RCAN1: variants seen among roughly 807,000 people sequenced by gnomAD.
RCAN1 encodes calcipressin-1.
In RCAN1, 11 loss-of-function variants were observed where a neutral mutation model predicts 22.9. That is an observed-to-expected ratio of 0.48 (90% confidence interval 0.30 to 0.79). The LOEUF (loss-of-function observed/expected upper bound fraction) is 0.79. Among genes scored for constraint, RCAN1 ranks in the 30% least tolerant of loss-of-function variants. The pLI is 0.06. For missense variants in RCAN1, 291 were observed against 337.8 expected, an observed-to-expected ratio of 0.86 and a Z score of 1.09; for synonymous variants, 136 against 142.3, an observed-to-expected ratio of 0.96 and a Z score of 0.32.
chr21:34,613,732 G>C, intron 1 of RCAN1: 3 of 1,468,184 alleles, frequency 2.0e-6, no homozygotes, highest in Non-Finnish European at 2.8e-6. Context: ...CACGGCCATT[G>C]TAATTCCTTT....
At chr21:34,546,200 G>A (rs754832994) in intron 1 of RCAN1, among the ~76,000 whole-genome samples, 215 of 152,186 alleles carry the variant, frequency 1.4e-3, no homozygotes, top group Non-Finnish European at 2.7e-3. Context: ...GAGAAATCAC[G>A]TCAGGCAAGT....
At position 34,521,302 on chromosome 21, in the gene RCAN1, C is replaced by G. The variant is rs1461605791; in HGVS notation, c.586+197G>C. On this transcript the variant is annotated intron_variant, in intron 3 of 3. Transcript: ENST00000313806. ...GTCCCCACGATCAGCCGCAGTCTCT[C>G]TAACACTGCAGGTGGTGCCAAGAGG... 11 of 1,475,134 alleles carry G rather than the reference C, an allele frequency of 7.5e-6. 1 individual carries two copies. In the Admixed American group the frequency reaches 2.3e-4, roughly 30 times the overall value. The allele number at this position is 1,475,134 out of a possible 1,614,324, so 91.4% of individuals were successfully genotyped here.
intron 1 of RCAN1, among the ~76,000 whole-genome samples, chr21:34,558,157 T>TA (rs1986651938): frequency 6.6e-6 from 1 of 152,152 alleles, no homozygotes; most frequent in Non-Finnish European, 1.5e-5. Flanking sequence ...CACAAGACAT[T>TA]TGGCTATTCC....
At chr21:34,607,827 C>T (rs897274055) in intron 1 of RCAN1, among the ~76,000 whole-genome samples, 2 of 152,208 alleles carry the variant, frequency 1.3e-5, no homozygotes, top group African/African-American at 4.8e-5. Context: ...CAGTCCATGG[C>T]CTGTTAGGAA....
intron 1 of RCAN1, among the ~76,000 whole-genome samples, chr21:34,527,785 C>T (rs563569019): frequency 3.3e-5 from 5 of 149,652 alleles, no homozygotes; most frequent in African/African-American, 9.9e-5. Flanking sequence ...ACATGCTTAG[C>T]GTTCCAATAA....
Position 34,521,032 on chromosome 21 carries a change from G to A in RCAN1, c.586+467C>T. ...GGCCCTTCCCTCACCATGGCCTATG[G>A]TTCTCCTTCCCTTTTCCTTTAAGAA... On this transcript the variant is annotated intron_variant, in intron 3 of 3. Coordinates refer to ENST00000313806, the MANE Select transcript of RCAN1 (RefSeq NM_004414.7). The A allele has an allele frequency of 2.6e-6, 3 of 1,144,266 alleles. No homozygotes were observed. The South Asian group carries it at 1.1e-4, about 41-fold the overall frequency. The allele number at this position is 1,144,266 out of a possible 1,614,324, so 70.9% of individuals were successfully genotyped here. A position where few individuals can be genotyped will look rare whatever the true frequency, so the allele number is the denominator to read the frequency against.
At chr21:34,580,879 G>A (rs927388288) in intron 1 of RCAN1, among the ~76,000 whole-genome samples, 6 of 152,150 alleles carry the variant, frequency 3.9e-5, no homozygotes, top group Non-Finnish European at 7.3e-5. Context: ...GTGCACCTAC[G>A]TATGCACATG....
intron 1 of RCAN1, among the ~76,000 whole-genome samples, chr21:34,532,731 A>G (rs1426470121): frequency 6.6e-6 from 1 of 152,226 alleles, no homozygotes; most frequent in East Asian, 1.9e-4. Flanking sequence ...TTTGATCAGC[A>G]AATACTGAAT....
intron 1 of RCAN1, among the ~76,000 whole-genome samples, chr21:34,547,254 C>T (rs1372604341): frequency 1.3e-5 from 2 of 152,168 alleles, no homozygotes; most frequent in African/African-American, 4.8e-5. Flanking sequence ...ATCCAGGAGT[C>T]CAGGCCCATC....
rs148563819 is a variant in RCAN1 at position 34,566,836 on chromosome 21, G to A, written c.253-43126C>T. ...CGTGTCACATGGCAAGAGAAAGAGCGAGAGAGGAGGAGGTGCCAGGCTCCT... is the reference window on the plus strand; with the variant it reads ...CGTGTCACATGGCAAGAGAAAGAGCAAGAGAGGAGGAGGTGCCAGGCTCCT... On this transcript the variant is annotated intron_variant, in intron 1 of 3. Coordinates refer to ENST00000313806, the MANE Select transcript of RCAN1 (RefSeq NM_004414.7). Among the ~76,000 whole-genome samples the A allele has an allele frequency of 4.4e-3, 663 of 152,220 alleles. 3 individuals carry two copies. The highest frequency in any genetic ancestry group is 0.015 in the African/African-American group (630 of 41,510).
intron 1 of RCAN1, among the ~76,000 whole-genome samples, chr21:34,595,468 T>G (rs1988115911): frequency 6.6e-6 from 1 of 152,246 alleles, no homozygotes; most frequent in South Asian, 2.1e-4. Context: ...AAGTTTGACC[T>G]TTGAGCAAAT....
At chr21:34,543,918 T>C (rs899662187) in intron 1 of RCAN1, among the ~76,000 whole-genome samples, 1 of 152,220 alleles carries the variant, frequency 6.6e-6, no homozygotes, top group Non-Finnish European at 1.5e-5. Context: ...TGCTAGCCAT[T>C]CGGAGTGGTC....
At chr21:34,537,156 G>A (rs1985707354) in intron 1 of RCAN1, among the ~76,000 whole-genome samples, 1 of 152,184 alleles carries the variant, frequency 6.6e-6, no homozygotes, top group African/African-American at 2.4e-5. Flanking sequence ...TACATACAAA[G>A]AACAAGCAAG....
chr21:34,612,929 C>T (rs773170031), intron 1 of RCAN1, among the ~76,000 whole-genome samples: 1 of 152,224 alleles, frequency 6.6e-6, no homozygotes, highest in Non-Finnish European at 1.5e-5. Flanking sequence ...GCTCTCTATC[C>T]CTGTTTCAGT....
rs905015160 is a variant in RCAN1 at position 34,517,869 on chromosome 21, T to G, written c.*215A>C. ...GTGCGATCACCACAAACTCAGTGAT[T>G]GGCCCAAGTCATTCCCGGGTGCCAT... On this transcript the variant is annotated 3_prime_UTR_variant, in exon 4 of 4. Coordinates refer to ENST00000313806, the MANE Select transcript of RCAN1 (RefSeq NM_004414.7). 2.4e-5 allele frequency: 14 copies of G among 591,564 alleles called. No individual in the cohort carries two copies. The highest frequency in any genetic ancestry group is 4.2e-5 in the Non-Finnish European group (14 of 334,228). The allele number at this position is 591,564 out of a possible 1,614,324, so 36.6% of individuals were successfully genotyped here.
chr21:34,521,432 T>C (rs1205739121), intron 3 of RCAN1, 67 bp downstream of exon 3: 6 of 1,610,496 alleles, frequency 3.7e-6, no homozygotes, highest in Non-Finnish European at 4.2e-6. Context: ...GTGGTGGTAC[T>C]GCTCCCTGGT....
chr21:34,600,343 A>G (rs1988291207), intron 1 of RCAN1, among the ~76,000 whole-genome samples: 1 of 152,230 alleles, frequency 6.6e-6, no homozygotes, highest in African/African-American at 2.4e-5. Context: ...TTAAGGTAAG[A>G]TACGGCAAAG....
At chr21:34,551,849 A>C (rs1350536766) in intron 1 of RCAN1, among the ~76,000 whole-genome samples, 12 of 152,166 alleles carry the variant, frequency 7.9e-5, no homozygotes, top group Admixed American at 7.9e-4. Context: ...CCAGGGGAAG[A>C]CTTAGATGAC....
chr21:34,553,763 C>T (rs542670671), intron 1 of RCAN1, among the ~76,000 whole-genome samples: 1 of 152,304 alleles, frequency 6.6e-6, no homozygotes, highest in Admixed American at 6.5e-5. Context: ...TCAAAACGCA[C>T]TGAGTTCATT....
Sources: gnomAD v4.1 joint callset for allele counts (sites outside exome capture counted in the v4.1 genomes callset) on GRCh38, gnomAD v4.1.1 for gene constraint, MANE v1.5 for transcripts, NCBI Gene and HGNC (gene_info 2026-07-23, HGNC 2026-07-21) for gene names.